Variants in GRIK1 observed in about 807,000 individuals in gnomAD.
The protein encoded by GRIK1 is glutamate ionotropic receptor kainate type subunit 1.
A neutral mutation model predicts 105.7 loss-of-function variants in GRIK1; 69 were observed. The observed-to-expected ratio is 0.65, with a 90% confidence interval of 0.54 to 0.80. The LOEUF (loss-of-function observed/expected upper bound fraction) is 0.80, where lower values mean the gene tolerates loss of function less well. Ranked by LOEUF, GRIK1 falls within the 30% of genes least tolerant of loss-of-function variation. The pLI is 0.00. For missense variants in GRIK1, 1,109 were observed against 1,167.3 expected (o/e 0.95, Z 0.73); for synonymous variants, 438 against 431.3 (o/e 1.02, Z -0.19).
chr21:29,537,170 C>T lies in GRIK1; in HGVS notation c.*60G>A. The stretch of plus-strand genomic sequence containing the variant: ...AACACATCACACACTCCTCAGAAAT[C>T]CTTTCTCCAAAAATCTGTAGGGAAT... On this transcript the variant is annotated 3_prime_UTR_variant, in exon 18 of 18. Coordinates refer to ENST00000327783, the MANE Select transcript of GRIK1 (RefSeq NM_001330994.2). The T allele has an allele frequency of 1.6e-6, 2 of 1,241,970 alleles. No individual in the cohort carries two copies. Among genetic ancestry groups the T allele is most frequent in the Non-Finnish European group, 2.2e-6 (2 of 893,134 alleles). 76.9% of individuals were successfully genotyped at this position (1,241,970 alleles called of 1,614,324 possible).
intron 3 of GRIK1, among the ~76,000 whole-genome samples, chr21:29,677,619 T>C (rs2063296800): frequency 1.3e-5 from 2 of 152,248 alleles, no homozygotes; most frequent in South Asian, 4.1e-4. Flanking sequence ...CAGTGAGCAT[T>C]GAAGATTTCC....
chr21:29,559,875 C>A (rs951280379), intron 15 of GRIK1, among the ~76,000 whole-genome samples: 1 of 152,050 alleles, frequency 6.6e-6, no homozygotes, highest in Non-Finnish European at 1.5e-5. Context: ...TACATGTCTA[C>A]AACTCTCTGA....
At chr21:29,767,896 G>A (rs1245309122) in intron 1 of GRIK1, among the ~76,000 whole-genome samples, 1 of 115,468 alleles carries the variant, frequency 8.7e-6, no homozygotes, top group Non-Finnish European at 2.0e-5. Context: ...GTGTGTGTGT[G>A]TGTGTGTATG....
chr21:29,613,570 A>T (rs2061775905), intron 7 of GRIK1, among the ~76,000 whole-genome samples: 1 of 152,184 alleles, frequency 6.6e-6, no homozygotes, highest in African/African-American at 2.4e-5. Context: ...GTTCTGAAGA[A>T]GTTTACTCTG....
chr21:29,863,034 A>G (rs2068694451), intron 1 of GRIK1, among the ~76,000 whole-genome samples: 1 of 152,162 alleles, frequency 6.6e-6, no homozygotes, highest in African/African-American at 2.4e-5. Context: ...GTACCTGTGT[A>G]TTTATCTCTG....
intron 1 of GRIK1, among the ~76,000 whole-genome samples, chr21:29,786,050 C>G (rs1359113674): frequency 1.3e-5 from 2 of 152,166 alleles, no homozygotes; most frequent in African/African-American, 4.8e-5. Context: ...AGTGCAGTGG[C>G]GATCTCCGCT....
chr21:29,697,547 T>C lies in GRIK1; in HGVS notation c.119-3484A>G, dbSNP rs363601. The stretch of plus-strand genomic sequence containing the variant: ...TAGCTCAAGACCCCATCACACTCTC[T>C]TTCTTCAAGAGAGGGTTGCGGATAA... On this transcript the variant is annotated intron_variant, in intron 1 of 17. Coordinates refer to ENST00000327783, the MANE Select transcript of GRIK1 (RefSeq NM_001330994.2). 8.4e-3 allele frequency among the ~76,000 whole-genome samples: 1,279 copies of C among 152,280 alleles called. 29 individuals carry two copies. Among genetic ancestry groups the C allele is most frequent in the African/African-American group, 0.029 (1,214 of 41,544 alleles).
At chr21:29,773,204 T>G (rs2065856328) in intron 1 of GRIK1, among the ~76,000 whole-genome samples, 2 of 152,308 alleles carry the variant, frequency 1.3e-5, no homozygotes, top group Admixed American at 1.3e-4. Context: ...CTGCTTTGTA[T>G]CAGTGTAAGT....
chr21:29,767,103 A>G (rs1410682869), intron 1 of GRIK1, among the ~76,000 whole-genome samples: 1 of 152,236 alleles, frequency 6.6e-6, no homozygotes, highest in Non-Finnish European at 1.5e-5. Flanking sequence ...TGACTGGCAC[A>G]TACTTCATCC....
chr21:29,800,567 T>C (rs532269897), intron 1 of GRIK1, among the ~76,000 whole-genome samples: 3 of 152,382 alleles, frequency 2.0e-5, no homozygotes, highest in Admixed American at 2.0e-4. Flanking sequence ...TTCTTTATTG[T>C]ACTTGATGAA....
At chr21:29,545,907 CT>C (rs1387259774) in intron 16 of GRIK1, among the ~76,000 whole-genome samples, 1 of 152,150 alleles carries the variant, frequency 6.6e-6, no homozygotes, top group Non-Finnish European at 1.5e-5. Flanking sequence ...AATTAATTCA[CT>C]TTTGGTTTAA....
chr21:29,616,923 G>A (rs962031810), intron 7 of GRIK1, among the ~76,000 whole-genome samples: 9 of 152,086 alleles, frequency 5.9e-5, no homozygotes, highest in Admixed American at 2.6e-4. Context: ...ACAGTTCAAT[G>A]GAATCATGTT....
At chr21:29,620,009 G>GT (rs1385160986) in intron 7 of GRIK1, among the ~76,000 whole-genome samples, 18 of 152,224 alleles carry the variant, frequency 1.2e-4, no homozygotes, top group Admixed American at 3.3e-4. Flanking sequence ...ACTCCTGAGA[G>GT]ATTTCCATTA....
At chr21:29,925,110 T>C (rs2071317209) in intron 1 of GRIK1, among the ~76,000 whole-genome samples, 2 of 152,238 alleles carry the variant, frequency 1.3e-5, no homozygotes, top group Admixed American at 1.3e-4. Flanking sequence ...TAGAGTTGTA[T>C]TGAGCATTTC....
chr21:29,684,569 G>GCACA (rs1422824255), intron 3 of GRIK1, among the ~76,000 whole-genome samples: 1 of 151,820 alleles, frequency 6.6e-6, no homozygotes, highest in East Asian at 1.9e-4. Flanking sequence ...GTGCAGTGGT[G>GCACA]CGATCTTGGC....
intron 7 of GRIK1, among the ~76,000 whole-genome samples, chr21:29,641,492 G>A (rs1259778548): frequency 6.6e-6 from 1 of 152,116 alleles, no homozygotes; most frequent in Non-Finnish European, 1.5e-5. Context: ...CCCAGTCTCA[G>A]GTATGTCTTT....
chr21:29,885,886 A>G (rs2069606511), intron 1 of GRIK1, among the ~76,000 whole-genome samples: 1 of 152,110 alleles, frequency 6.6e-6, no homozygotes, highest in Admixed American at 6.6e-5. Context: ...CTTCTCCACC[A>G]TTTGGTCTTC....
At chr21:29,776,980 A>G (rs878939431) in intron 1 of GRIK1, among the ~76,000 whole-genome samples, 2 of 152,216 alleles carry the variant, frequency 1.3e-5, no homozygotes, top group Non-Finnish European at 2.9e-5. Context: ...GGGATCAAGT[A>G]TCAAGAAAGG....
At position 29,587,443 on chromosome 21, in the gene GRIK1, G is replaced by C; in HGVS notation, c.1716C>G (p.Asn572Lys). The change falls in exon 12 of 18, where the codon AAC becomes AAG. Residue 572 changes from asparagine (N) to lysine (K), a missense_variant. By Grantham distance (94) the Asn-to-Lys change is moderately conservative. Around this residue, in one of 5 missense-constraint regions of GRIK1, gnomAD observed 264 missense variants for 306.9 expected, o/e 0.86. Transcript: ENST00000327783. ...ACATCCAAATATCTGGAGACAGGGG[G>C]TTGAGGAAGGAGAAAACGCCTGGAT... ...GTNPGVFSFL[N>K]PLSPDIWMYV... The C allele has an allele frequency of 6.2e-7, 1 of 1,613,732 alleles. No individual in the cohort carries two copies. The highest frequency in any genetic ancestry group is 8.5e-7 in the Non-Finnish European group (1 of 1,179,680).
Sources: allele counts gnomAD v4.1 joint callset (sites outside exome capture counted in the v4.1 genomes callset), GRCh38; gene constraint gnomAD v4.1.1; regional missense constraint gnomAD v4.1.1; transcripts MANE v1.5; gene names NCBI Gene and HGNC (gene_info 2026-07-23, HGNC 2026-07-21).